Variants in CSMD3 observed in about 807,000 individuals in gnomAD.
CSMD3 encodes CUB and sushi domain-containing protein 3.
CSMD3 carries 177 observed loss-of-function variants against 435.2 expected under a neutral mutation model. The ratio of observed to expected loss-of-function variants is 0.41; its 90% CI spans 0.36 to 0.46. The LOEUF is 0.46. Ranked by LOEUF, CSMD3 falls within the 20% of genes least tolerant of loss-of-function variation. The pLI is 0.34. For synonymous variants in CSMD3, 1,656 were observed against 1,520.5 expected (o/e 1.09, Z -2.07); for missense variants, 4,265 against 4,504.6 (o/e 0.95, Z 1.52).
chr8:112,264,021 G>T (rs913352684), intron 60 of CSMD3, among the ~76,000 whole-genome samples: 1 of 152,074 alleles, frequency 6.6e-6, no homozygotes, highest in Non-Finnish European at 1.5e-5. Context: ...GCAACATAAT[G>T]GCTACTGGTT....
At chr8:113,226,625 A>C (rs2132162334) in intron 3 of CSMD3, among the ~76,000 whole-genome samples, 1 of 151,674 alleles carries the variant, frequency 6.6e-6, no homozygotes, top group Admixed American at 6.6e-5. Flanking sequence ...GGTTGTTAGA[A>C]ACGATGAAGT....
At position 112,306,153 on chromosome 8, in the gene CSMD3, C is replaced by A. The variant is rs2130788133; in HGVS notation, c.7925G>T (p.Gly2642Val). Reference protein sequence around the residue: ...CGIPKAPTNGGILTTDYLVGT... With the variant: ...CGIPKAPTNGVILTTDYLVGT... ...TACCAAATAGTCTGTTGTTAGTATT[C>A]CTCCATTTGTTGGAGCTTTAGGAAT... The change falls in exon 51 of 71, where the codon GGA becomes GTA. Residue 2642 changes from glycine to valine, a missense_variant. Physicochemically the swap from Gly to Val is moderately radical, Grantham distance 109. This residue lies in a region of CSMD3 where 3,255 missense variants were observed against 3,380.2 expected (regional missense o/e 0.96). Transcript: ENST00000297405. The A allele has an allele frequency of 1.9e-6, 3 of 1,613,528 alleles. No homozygotes were observed. The highest frequency in any genetic ancestry group is 2.5e-6 in the Non-Finnish European group (3 of 1,179,692).
At chr8:112,581,853 A>G (rs1315986307) in intron 23 of CSMD3, among the ~76,000 whole-genome samples, 2 of 152,042 alleles carry the variant, frequency 1.3e-5, no homozygotes, top group Non-Finnish European at 2.9e-5. Flanking sequence ...TGAGTTTACC[A>G]GTTTATAGGA....
At chr8:113,248,365 A>G (rs1226863865) in intron 3 of CSMD3, among the ~76,000 whole-genome samples, 1 of 150,268 alleles carries the variant, frequency 6.7e-6, no homozygotes, top group Non-Finnish European at 1.5e-5. Flanking sequence ...TAACACATAC[A>G]ATAGAGATTT....
chr8:112,862,222 ATAT>A (rs1041932334), intron 10 of CSMD3, among the ~76,000 whole-genome samples: 3 of 152,058 alleles, frequency 2.0e-5, no homozygotes, highest in African/African-American at 7.2e-5. Context: ...AACAAGTTGT[ATAT>A]CTACAGACAT....
At chr8:113,300,976 T>C (rs1248708768) in intron 2 of CSMD3, among the ~76,000 whole-genome samples, 1 of 152,124 alleles carries the variant, frequency 6.6e-6, no homozygotes, top group Non-Finnish European at 1.5e-5. Context: ...AAAAAAAGCA[T>C]GTCCCAGAAA....
chr8:112,439,902 A>G (rs1017423145), intron 32 of CSMD3, among the ~76,000 whole-genome samples: 7 of 151,980 alleles, frequency 4.6e-5, no homozygotes, highest in Non-Finnish European at 1.0e-4. Context: ...TCAGATTACA[A>G]TTCAAGATGA....
intron 12 of CSMD3, among the ~76,000 whole-genome samples, chr8:112,813,004 G>A (rs1333482340): frequency 6.6e-6 from 1 of 152,192 alleles, no homozygotes; most frequent in Non-Finnish European, 1.5e-5. Context: ...ATTAATAAGA[G>A]AAAATGTTGT....
chr8:113,202,546 T>C (rs1430056622), intron 3 of CSMD3, among the ~76,000 whole-genome samples: 2 of 152,128 alleles, frequency 1.3e-5, no homozygotes, highest in African/African-American at 4.8e-5. Context: ...GCCATTGACA[T>C]ATGATTGTTC....
chr8:112,624,398 A>G (rs901569925), intron 22 of CSMD3, among the ~76,000 whole-genome samples: 5 of 152,080 alleles, frequency 3.3e-5, no homozygotes, highest in Non-Finnish European at 7.4e-5. Flanking sequence ...TGTCCACTGA[A>G]GGTGTATGCT....
intron 1 of CSMD3, among the ~76,000 whole-genome samples, chr8:113,335,730 A>G (rs1404105913): frequency 1.3e-5 from 2 of 151,692 alleles, no homozygotes; most frequent in Non-Finnish European, 2.9e-5. Flanking sequence ...GGATATTACA[A>G]TGTTGTGAGT....
At chr8:112,596,128 G>A (rs1475252798) in intron 22 of CSMD3, among the ~76,000 whole-genome samples, 4 of 151,412 alleles carry the variant, frequency 2.6e-5, no homozygotes, top group Admixed American at 6.6e-5. Context: ...CCCATCTCAC[G>A]TGCAGAGACA....
At chr8:112,240,763 T>C (rs941429749) in intron 66 of CSMD3, among the ~76,000 whole-genome samples, 1 of 152,106 alleles carries the variant, frequency 6.6e-6, no homozygotes, top group African/African-American at 2.4e-5. Flanking sequence ...TTCCCACATG[T>C]TGTAGGAGGA....
chr8:112,772,551 G>C (rs554859048), intron 13 of CSMD3, among the ~76,000 whole-genome samples: 15 of 152,104 alleles, frequency 9.9e-5, no homozygotes, highest in East Asian at 5.9e-4. Context: ...ATATGGCCTC[G>C]TGGGAAGGGA....
intron 49 of CSMD3, among the ~76,000 whole-genome samples, chr8:112,312,339 C>T (rs1380476081): frequency 2.6e-5 from 4 of 152,016 alleles, no homozygotes; most frequent in Non-Finnish European, 1.5e-5. Context: ...ATTGCAACGC[C>T]CACCTCCCGG....
chr8:113,389,269 T>G (rs1404419861), intron 1 of CSMD3, among the ~76,000 whole-genome samples: 1 of 151,552 alleles, frequency 6.6e-6, no homozygotes. Context: ...ATAAGGAAAT[T>G]TATCCTCTTT....
chr8:113,116,661 G>A (rs2090838964), intron 4 of CSMD3, among the ~76,000 whole-genome samples: 1 of 152,104 alleles, frequency 6.6e-6, no homozygotes, highest in Admixed American at 6.6e-5. Context: ...AAAAACTGTA[G>A]AAAAGTTTGG....
At chr8:113,157,294 T>C (rs533169871) in intron 4 of CSMD3, among the ~76,000 whole-genome samples, 2 of 152,256 alleles carry the variant, frequency 1.3e-5, no homozygotes, top group Non-Finnish European at 2.9e-5. Context: ...GCTTTGACTA[T>C]AAAGCTCATG....
intron 5 of CSMD3, among the ~76,000 whole-genome samples, chr8:113,098,335 T>C (rs528060975): frequency 1.2e-4 from 19 of 152,166 alleles, no homozygotes; most frequent in Non-Finnish European, 1.8e-4. Flanking sequence ...CAGGTTTCAT[T>C]AGACCATACC....
Sources: allele counts gnomAD v4.1 joint callset (sites outside exome capture counted in the v4.1 genomes callset), GRCh38; gene constraint gnomAD v4.1.1; regional missense constraint gnomAD v4.1.1; transcripts MANE v1.5; gene names NCBI Gene and HGNC (gene_info 2026-07-23, HGNC 2026-07-21).